MINDY2: variants seen among roughly 807,000 people sequenced by gnomAD.
MINDY2 encodes ubiquitin carboxyl-terminal hydrolase MINDY-2.
MINDY2 carries 52 observed loss-of-function variants against 68.2 expected under a neutral mutation model. The ratio of observed to expected loss-of-function variants is 0.76; its 90% CI spans 0.61 to 0.96. The LOEUF (loss-of-function observed/expected upper bound fraction) is 0.96, where lower values mean the gene tolerates loss of function less well. Among genes scored for constraint, MINDY2 ranks in the 40% least tolerant of loss-of-function variants. The pLI, the probability that MINDY2 is intolerant of heterozygous loss-of-function variation, is 0.00. For synonymous variants in MINDY2, 372 were observed against 303.0 expected (o/e 1.23, Z -2.36); for missense variants, 881 against 773.4 (o/e 1.14, Z -1.65).
At chr15:58,793,296 C>CA (rs1208015626) in intron 2 of MINDY2, among the ~76,000 whole-genome samples, 2 of 151,556 alleles carry the variant, frequency 1.3e-5, no homozygotes, top group Admixed American at 6.6e-5. Flanking sequence ...ACTAAAAATA[C>CA]AAAAAATTAG....
rs781554577 is a variant in MINDY2, at chr15:58,847,280, T to C, written c.1369-17T>C. 3.3e-6 allele frequency: 5 copies of C among 1,530,760 alleles called. No homozygotes were observed. In the Admixed American group the frequency reaches 9.7e-5, roughly 30 times the overall value. 94.8% of individuals were successfully genotyped at this position (1,530,760 alleles called of 1,614,324 possible). On this transcript the variant is annotated splice_polypyrimidine_tract_variant and intron_variant, in intron 6 of 8. Transcript: ENST00000559228. ...ATCAATTTAACAGTCCTTTTTCTTT[T>C]GTTACTTCTTATTAAGGGTCAACTG... is the stretch of plus-strand genomic sequence containing the variant.
intron 6 of MINDY2, among the ~76,000 whole-genome samples, chr15:58,834,992 T>C (rs2031923540): frequency 2.0e-5 from 3 of 152,194 alleles, no homozygotes; most frequent in African/African-American, 7.2e-5. Context: ...TATTGATACA[T>C]GGTGAATACT....
intron 4 of MINDY2, among the ~76,000 whole-genome samples, chr15:58,813,478 GGAGCAAGACTC>G (rs2030445093): frequency 6.6e-6 from 1 of 152,208 alleles, no homozygotes; most frequent in Non-Finnish European, 1.5e-5. Context: ...CCTGGGTGAT[GGAGCAAGACTC>G]TATCTCAAAC....
At position 58,851,828 on chromosome 15, in the gene MINDY2, G is replaced by A. The variant is rs747475259; in HGVS notation, c.1600G>A (p.Glu534Lys). ...ACAGCAGAGCCAAGAGATCAATTGG[G>A]AACAAATCCCGGAAGGAATCAGTGA... Reference protein sequence around the residue: ...QEQQSQEINWEQIPEGISDLE... With the variant: ...QEQQSQEINWKQIPEGISDLE... The change falls in exon 8 of 9, where the codon GAA (glutamate) becomes AAA (lysine). Residue 534 changes from glutamate (E) to lysine (K), a missense_variant. Glu to Lys is a moderately conservative substitution (Grantham distance 56). Coordinates refer to ENST00000559228, the MANE Select transcript of MINDY2 (RefSeq NM_001040450.3). The A allele has an allele frequency of 5.6e-6, 9 of 1,612,012 alleles. No homozygotes were observed. The African/African-American group carries it at 9.4e-5, about 17-fold the overall frequency.
intron 2 of MINDY2, among the ~76,000 whole-genome samples, chr15:58,801,380 T>TAAAAAAAAAAAAAAAAAAA (rs1188514448): frequency 4.4e-5 from 1 of 22,590 alleles, no homozygotes; most frequent in Non-Finnish European, 8.3e-5. Flanking sequence ...CCCCATCTCT[T>TAAAAAAAAAAAAAAAAAAA]AAAAAAAAAA....
intron 1 of MINDY2, among the ~76,000 whole-genome samples, chr15:58,782,886 T>C (rs1345045572): frequency 1.3e-5 from 2 of 149,746 alleles, no homozygotes; most frequent in African/African-American, 2.4e-5. Context: ...TAGTAGATGT[T>C]CAATATATTT....
intron 5 of MINDY2, 154 bp downstream of exon 5, chr15:58,821,973 G>C (rs538358109): frequency 1.3e-4 from 67 of 512,764 alleles, no homozygotes; most frequent in Non-Finnish European, 1.9e-4. Context: ...CCATAGGCTG[G>C]GCACAGTGGC....
chr15:58,782,909 C>CTTTTTT (rs1319309591), intron 1 of MINDY2, among the ~76,000 whole-genome samples: 13 of 65,994 alleles, frequency 2.0e-4, no homozygotes, highest in East Asian at 1.5e-3. Flanking sequence ...TTTTTTCTCT[C>CTTTTTT]TGTTTTTTTT....
At chr15:58,806,053 G>A (rs1422318562) in intron 3 of MINDY2, among the ~76,000 whole-genome samples, 4 of 152,176 alleles carry the variant, frequency 2.6e-5, no homozygotes, top group Admixed American at 2.0e-4. Context: ...CAGCCCGGGC[G>A]ACAGAGCGAG....
chr15:58,810,095 C>A (rs889265160), intron 3 of MINDY2, 135 bp from the exon 4 acceptor site: 22 of 794,114 alleles, frequency 2.8e-5, no homozygotes, highest in Middle Eastern at 3.8e-4. Context: ...AGTAGATACT[C>A]AATAATAAAA....
intron 5 of MINDY2, among the ~76,000 whole-genome samples, chr15:58,826,033 A>G (rs1399370190): frequency 3.9e-5 from 6 of 152,076 alleles, no homozygotes; most frequent in Admixed American, 3.3e-4. Flanking sequence ...TGAACATTAT[A>G]GTTTGGCTTA....
Position 58,847,482 on chromosome 15 carries a change from T to C in MINDY2, c.1542+12T>C. ...ATCAGATAGATCAGGTAAATTTGTA[T>C]TGTCGTCTTTATAGTGGTTAAAATG... On this transcript the variant is annotated intron_variant, in intron 7 of 8. Coordinates refer to ENST00000559228, the MANE Select transcript of MINDY2 (RefSeq NM_001040450.3). 1.3e-6 allele frequency: 2 copies of C among 1,527,208 alleles called. No individual in the cohort carries two copies. The highest frequency in any genetic ancestry group is 2.3e-5 in the East Asian group (1 of 43,666). The allele number at this position is 1,527,208 out of a possible 1,614,324, so 94.6% of individuals were successfully genotyped here. A position where few individuals can be genotyped will look rare whatever the true frequency, so the allele number is the denominator to read the frequency against.
intron 6 of MINDY2, among the ~76,000 whole-genome samples, chr15:58,846,671 TA>T (rs533709684): frequency 3.3e-5 from 5 of 150,504 alleles, no homozygotes; most frequent in Admixed American, 6.6e-5. Context: ...AATTAAAAAT[TA>T]AAAAAAAATT....
At chr15:58,832,785 C>T (rs1460256646) in intron 6 of MINDY2, among the ~76,000 whole-genome samples, 1 of 152,188 alleles carries the variant, frequency 6.6e-6, no homozygotes, top group Non-Finnish European at 1.5e-5. Flanking sequence ...CTCAGCCTCC[C>T]AAAGTGCTGG....
chr15:58,804,102 C>T (rs1205996514), intron 3 of MINDY2, among the ~76,000 whole-genome samples: 21 of 150,686 alleles, frequency 1.4e-4, no homozygotes, highest in African/African-American at 4.6e-4. Context: ...GCACTCCAGC[C>T]GGGGCGACAA....
rs568726937 is a variant in MINDY2 at position 58,839,577 on chromosome 15, C to G, written c.1368+7661C>G. ...AAACTGTTGACCTCAGATGATCCAC[C>G]CACCTTGGCCTCCCAAAGTGCTGAG... is the stretch of plus-strand genomic sequence containing the variant. On this transcript the variant is annotated intron_variant, in intron 6 of 8. Coordinates refer to ENST00000559228, the MANE Select transcript of MINDY2 (RefSeq NM_001040450.3). Among the ~76,000 whole-genome samples, 4 of 152,190 alleles carry G rather than the reference C, an allele frequency of 2.6e-5. No homozygotes were observed. In the East Asian group the frequency reaches 7.7e-4, roughly 29 times the overall value.
chr15:58,854,138 G>A lies in MINDY2; in HGVS notation c.1738-344G>A, dbSNP rs189199827. Among the ~76,000 whole-genome samples the A allele has an allele frequency of 3.6e-3, 548 of 151,958 alleles. 1 individual carries two copies. Among genetic ancestry groups the A allele is most frequent in the Non-Finnish European group, 6.1e-3 (414 of 67,974 alleles). ...AGGTGCCTGTAATCCTAGCTACTTG[G>A]GAGGCTGAGGCAGCAGAATCTCTTG... On this transcript the variant is annotated intron_variant, in intron 8 of 8. Coordinates refer to ENST00000559228, the MANE Select transcript of MINDY2 (RefSeq NM_001040450.3).
chr15:58,847,154 T>C, intron 6 of MINDY2, 143 bp from the exon 7 acceptor site: 1 of 538,596 alleles, frequency 1.9e-6, no homozygotes, highest in South Asian at 6.4e-5. Flanking sequence ...ATCTACTTGG[T>C]CTATTTATTG....
At chr15:58,794,166 T>G (rs193271889) in intron 2 of MINDY2, among the ~76,000 whole-genome samples, 49 of 152,086 alleles carry the variant, frequency 3.2e-4, no homozygotes, top group Non-Finnish European at 5.9e-4. Context: ...AGAGAGTGAT[T>G]ATAATTATGG....
Sources: allele counts gnomAD v4.1 joint callset (sites outside exome capture counted in the v4.1 genomes callset), GRCh38; gene constraint gnomAD v4.1.1; transcripts MANE v1.5; gene names NCBI Gene and HGNC (gene_info 2026-07-23, HGNC 2026-07-21).